ANKFN1: variants seen among roughly 807,000 people sequenced by gnomAD.
The protein encoded by ANKFN1 is ankyrin repeat and fibronectin type-III domain-containing protein 1.
In ANKFN1, 74 loss-of-function variants were observed where a neutral mutation model predicts 108.7. That is an observed-to-expected ratio of 0.68 (90% CI 0.56 to 0.83). The LOEUF is 0.83. ANKFN1 is among the 40% of genes least tolerant of loss of function. The pLI, the probability that ANKFN1 is intolerant of heterozygous loss-of-function variation, is 0.00. For synonymous variants in ANKFN1, 547 were observed against 516.2 expected (o/e 1.06, Z -0.81); for missense variants, 1,505 against 1,382.3 (o/e 1.09, Z -1.41).
upstream of ANKFN1, among the ~76,000 whole-genome samples, chr17:56,149,510 A>C (rs1298259340): frequency 6.6e-6 from 1 of 152,236 alleles, no homozygotes; most frequent in African/African-American, 2.4e-5. Flanking sequence ...TTTGAAGGCC[A>C]GCATTGTTTC....
intron 4 of ANKFN1, among the ~76,000 whole-genome samples, chr17:56,059,378 G>T (rs1904934167): frequency 6.6e-6 from 1 of 152,114 alleles, no homozygotes; most frequent in Admixed American, 6.5e-5. Context: ...CCATTCTGTA[G>T]GTTGCCTATT....
chr17:56,270,418 A>G (rs926064073), intron 3 of ANKFN1, among the ~76,000 whole-genome samples: 2 of 152,212 alleles, frequency 1.3e-5, no homozygotes, highest in Non-Finnish European at 2.9e-5. Flanking sequence ...GAAAAGCTAC[A>G]TAACTGCTGG....
intron 3 of ANKFN1, among the ~76,000 whole-genome samples, chr17:56,257,301 T>C (rs1254373759): frequency 6.6e-6 from 1 of 152,226 alleles, no homozygotes; most frequent in African/African-American, 2.4e-5. Flanking sequence ...CCTAGAATCC[T>C]GGAGCCCATA....
intron 17 of ANKFN1, among the ~76,000 whole-genome samples, chr17:56,481,526 A>G (rs1359864937): frequency 1.3e-5 from 2 of 152,040 alleles, no homozygotes; most frequent in Non-Finnish European, 2.9e-5. Flanking sequence ...ACACACACAC[A>G]TAATGAACCA....
chr17:56,211,307 A>G (rs1038736269), intron 1 of ANKFN1, among the ~76,000 whole-genome samples: 1 of 152,186 alleles, frequency 6.6e-6, no homozygotes. Flanking sequence ...ATCCAGTTTC[A>G]TTCTTCTACA....
intron 3 of ANKFN1, among the ~76,000 whole-genome samples, chr17:56,283,051 G>A (rs2044125970): frequency 6.6e-6 from 1 of 152,130 alleles, no homozygotes. Flanking sequence ...GGAGTTTGGT[G>A]TATATATTAT....
At chr17:56,112,018 C>T (rs904472969) in intron 4 of ANKFN1, among the ~76,000 whole-genome samples, 1 of 152,162 alleles carries the variant, frequency 6.6e-6, no homozygotes, top group Non-Finnish European at 1.5e-5. Flanking sequence ...TCTCAAGGGG[C>T]TAGCTACAGA....
chr17:56,331,472 C>T (rs2045660725), intron 4 of ANKFN1, among the ~76,000 whole-genome samples: 7 of 152,176 alleles, frequency 4.6e-5, no homozygotes, highest in Admixed American at 4.6e-4. Flanking sequence ...GTCCCACAAC[C>T]AAGCTCCACT....
chr17:56,420,978 G>A (rs1240504919), intron 8 of ANKFN1, among the ~76,000 whole-genome samples: 1 of 152,098 alleles, frequency 6.6e-6, no homozygotes, highest in East Asian at 1.9e-4. Flanking sequence ...AAAGTCCTGG[G>A]ATTACAGGCG....
At chr17:56,385,854 C>T (rs2047249551) in intron 8 of ANKFN1, among the ~76,000 whole-genome samples, 2 of 152,244 alleles carry the variant, frequency 1.3e-5, no homozygotes, top group Admixed American at 6.5e-5. Flanking sequence ...GAAACAGGAA[C>T]ACTTTTACAC....
Position 56,368,883 on chromosome 17 carries a change from C to A in ANKFN1, c.602-3763C>A, listed in dbSNP as rs557659500. Among the ~76,000 whole-genome samples the A allele has an allele frequency of 2.0e-5, 3 of 152,294 alleles. No homozygotes were observed. The East Asian group carries it at 5.8e-4, about 29-fold the overall frequency. On this transcript the variant is annotated intron_variant, in intron 6 of 20. Coordinates refer to ENST00000682825, the MANE Select transcript of ANKFN1 (RefSeq NM_001370326.1). ...AATTTTTTCCTTTTGTGTTCTGTCG[C>A]CAACTGAAGTGGCTAAAGAGCTTTG...
intron 4 of ANKFN1, among the ~76,000 whole-genome samples, chr17:56,140,909 C>T (rs1479980690): frequency 6.6e-6 from 1 of 152,138 alleles, no homozygotes; most frequent in Non-Finnish European, 1.5e-5. Flanking sequence ...ATCTGTTAGC[C>T]ACACATGGTC....
intron 4 of ANKFN1, chr17:56,111,061 C>G (rs187923558): frequency 2.6e-5 from 4 of 152,456 alleles, no homozygotes; most frequent in African/African-American, 9.6e-5. Context: ...GTCTGCCCTT[C>G]TTTCTCAGGT....
chr17:56,180,681 T>C (rs913346471), intron 1 of ANKFN1, among the ~76,000 whole-genome samples: 2 of 152,188 alleles, frequency 1.3e-5, no homozygotes, highest in East Asian at 3.8e-4. Context: ...TAATTAGTAT[T>C]CTAAGCATAT....
At chr17:56,459,701 AT>A (rs1568019134) in intron 14 of ANKFN1, among the ~76,000 whole-genome samples, 3 of 152,172 alleles carry the variant, frequency 2.0e-5, no homozygotes, top group African/African-American at 7.2e-5. Context: ...TTATGTGTTT[AT>A]TGGAGGTTTC....
At chr17:56,080,648 G>A (rs945608180) in intron 4 of ANKFN1, among the ~76,000 whole-genome samples, 15 of 152,002 alleles carry the variant, frequency 9.9e-5, no homozygotes, top group Admixed American at 3.3e-4. Context: ...CCCACCCACC[G>A]CCATGTTAAC....
intron 8 of ANKFN1, among the ~76,000 whole-genome samples, chr17:56,440,052 G>T (rs2049048057): frequency 6.6e-6 from 1 of 151,682 alleles, no homozygotes; most frequent in Non-Finnish European, 1.5e-5. Flanking sequence ...ACATAAATGT[G>T]CATGTACTAC....
intron 2 of ANKFN1, among the ~76,000 whole-genome samples, chr17:56,227,372 G>A: frequency 6.6e-6 from 1 of 152,012 alleles, no homozygotes; most frequent in East Asian, 1.9e-4. Context: ...CTTGGCATTG[G>A]TTTCAATCCC....
chr17:56,232,393 T>C (rs12601482), intron 3 of ANKFN1, among the ~76,000 whole-genome samples: 22,826 of 152,120 alleles, frequency 0.15, 1,908 homozygotes, highest in East Asian at 0.22. Context: ...TCAAAAATTT[T>C]AATAGCACTT....
Sources: gnomAD v4.1 joint callset for allele counts (sites outside exome capture counted in the v4.1 genomes callset) on GRCh38, gnomAD v4.1.1 for gene constraint, MANE v1.5 for transcripts, NCBI Gene and HGNC (gene_info 2026-07-23, HGNC 2026-07-21) for gene names.